The following TSBP1 variants were observed in gnomAD, a reference collection of about 807,000 sequenced individuals.
TSBP1 encodes testis-expressed basic protein 1.
A neutral mutation model predicts 68.8 loss-of-function variants in TSBP1; 56 were observed. The observed-to-expected ratio is 0.81, with a 90% confidence interval of 0.66 to 1.02. The LOEUF is 1.02. Among genes scored for constraint, TSBP1 ranks in the 50% least tolerant of loss-of-function variants. The pLI is 0.00. For missense variants in TSBP1, 502 were observed against 641.2 expected, an observed-to-expected ratio of 0.78 and a Z score of 2.34; for synonymous variants, 171 against 208.7, an observed-to-expected ratio of 0.82 and a Z score of 1.56.
At position 32,315,767 on chromosome 6, in the gene TSBP1, C is replaced by A; in HGVS notation, c.580+5G>T. The A allele has an allele frequency of 6.6e-7, 1 of 1,509,262 alleles. No individual in the cohort carries two copies. The allele number at this position is 1,509,262 out of a possible 1,614,324, so 93.5% of individuals were successfully genotyped here. ...ATATGACCAGCTGAGAAATAAAGAA[C>A]TTACTTGCAGTTCTCTGCGAAATTA... On this transcript the variant is annotated splice_donor_5th_base_variant and intron_variant, in intron 19 of 22. Transcript: ENST00000612031. This position sits in a 1 kb window ranked among gnomAD's most constrained non-coding sequence, Gnocchi z 5.4.
chr6:32,310,761 A>ATATATATATATATATATATTTTTTTTTTT, intron 19 of TSBP1, among the ~76,000 whole-genome samples: 2 of 144,834 alleles, frequency 1.4e-5, no homozygotes, highest in South Asian at 2.2e-4. Flanking sequence ...ATATATATAT[A>ATATATATATATATATATATTTTTTTTTTT]TTTTTAATCT....
intron 22 of TSBP1, among the ~76,000 whole-genome samples, chr6:32,296,424 T>A (rs1255125128): frequency 6.6e-6 from 1 of 152,234 alleles, no homozygotes. Flanking sequence ...TGTCCCCACC[T>A]AGAGTTCTTC....
rs774957304 is a variant in TSBP1 at position 32,361,670 on chromosome 6, GTCT to G, written c.217+4494_217+4496del. Among the ~76,000 whole-genome samples the G allele has an allele frequency of 1.3e-5, 2 of 152,124 alleles. No individual in the cohort carries two copies. Among genetic ancestry groups the G allele is most frequent in the Non-Finnish European group, 2.9e-5 (2 of 68,024 alleles). On this transcript the variant is annotated intron_variant, in intron 6 of 22. Transcript: ENST00000612031. The surrounding 1 kb of genome is among the most constrained non-coding windows in gnomAD (Gnocchi z 4.3). The stretch of plus-strand genomic sequence containing the variant: ...TCATATGTCTGTTGGCTGCGTAAAT[GTCT>G]TCTTTTAAGAATTGTCTGTTCATGG...
At chr6:32,363,143 T>G (rs1376003573) in intron 6 of TSBP1, among the ~76,000 whole-genome samples, 1 of 152,190 alleles carries the variant, frequency 6.6e-6, no homozygotes, top group African/African-American at 2.4e-5. Flanking sequence ...CTTGTTATAA[T>G]TTTTGACTAA....
At chr6:32,323,517 A>G (rs771268741) in intron 17 of TSBP1, 74 bp downstream of exon 18, 1 of 1,394,804 alleles carries the variant, frequency 7.2e-7, no homozygotes, top group South Asian at 1.2e-5. Flanking sequence ...AGCAGGGTAG[A>G]GACAGGTCTC....
intron 22 of TSBP1, among the ~76,000 whole-genome samples, chr6:32,295,099 G>A (rs1764547025): frequency 6.6e-6 from 1 of 152,084 alleles, no homozygotes; most frequent in Non-Finnish European, 1.5e-5. Context: ...ACCTTGGGAG[G>A]CCAAAGTGGG....
chr6:32,362,682 CT>C (rs1292339315), intron 6 of TSBP1, among the ~76,000 whole-genome samples: 1 of 152,100 alleles, frequency 6.6e-6, no homozygotes, highest in Non-Finnish European at 1.5e-5. Flanking sequence ...GCTTTTGTTA[CT>C]GTGTTTTTGG....
intron 17 of TSBP1, 73 bp downstream of exon 18, chr6:32,323,518 G>C: frequency 1.4e-6 from 2 of 1,408,750 alleles, no homozygotes; most frequent in Non-Finnish European, 2.0e-6. Context: ...GCAGGGTAGA[G>C]ACAGGTCTCT....
chr6:32,346,589 G>A (rs536217216), intron 9 of TSBP1, among the ~76,000 whole-genome samples: 5 of 152,174 alleles, frequency 3.3e-5, no homozygotes, highest in Admixed American at 1.3e-4. Context: ...TGTAACCCCA[G>A]CAATTTGGGA....
rs1292775340 is a variant in TSBP1, at chr6:32,365,238, A to C, written c.217+929T>G. 6 of 444,140 alleles carry C rather than the reference A, an allele frequency of 1.4e-5. No individual in the cohort carries two copies. The East Asian group carries it at 4.2e-4, about 31-fold the overall frequency. The allele number at this position is 444,140 out of a possible 1,614,324, so 27.5% of individuals were successfully genotyped here. A position where few individuals can be genotyped will look rare whatever the true frequency, so the allele number is the denominator to read the frequency against. ...TGCTTTCTCTCAATCCTGCAAAGCC[A>C]GTCCAGGTTCTGAGAGCCTTCCCTT... On this transcript the variant is annotated intron_variant, in intron 6 of 22. Transcript: ENST00000612031. This position sits in a 1 kb window ranked among gnomAD's most constrained non-coding sequence, Gnocchi z 4.3.
chr6:32,318,769 T>C (rs1286067231), intron 18 of TSBP1, among the ~76,000 whole-genome samples: 2 of 152,054 alleles, frequency 1.3e-5, no homozygotes, highest in African/African-American at 4.8e-5. Flanking sequence ...GGTTGGGGGA[T>C]AGTGGGAAGT....
At position 32,316,793 on chromosome 6, in the gene TSBP1, A is replaced by G. The variant is rs1400522047; in HGVS notation, c.560-1001T>C. Among the ~76,000 whole-genome samples, 2 of 152,176 alleles carry G rather than the reference A, an allele frequency of 1.3e-5. No individual in the cohort carries two copies. The highest frequency in any genetic ancestry group is 2.9e-5 in the Non-Finnish European group (2 of 68,020). ...GGAGCTTTGAGTCAGGTAGCTGCAC[A>G]CAGAGTTAGAAATGAGTAGGGTAGG... On this transcript the variant is annotated intron_variant, in intron 18 of 22. Transcript: ENST00000612031. This position sits in a 1 kb window ranked among gnomAD's most constrained non-coding sequence, Gnocchi z 4.5.
chr6:32,370,407 G>GTGTA (rs1241237254), intron 1 of TSBP1, among the ~76,000 whole-genome samples: 4,019 of 130,530 alleles, frequency 0.031, 159 homozygotes, highest in Non-Finnish European at 0.039. Context: ...AAGATTTTCT[G>GTGTA]TATATATATA....
At chr6:32,366,298 G>A in exon 5 of TSBP1, 1 of 1,600,786 alleles carries the variant, frequency 6.2e-7, no homozygotes, top group Non-Finnish European at 8.5e-7. Context: ...ATGCATGTCG[G>A]GATCCTAAAA....
chr6:32,321,066 T>G lies in TSBP1; in HGVS notation c.559+2051A>C, dbSNP rs1767581863. 6.6e-6 allele frequency among the ~76,000 whole-genome samples: 1 copy of G among 152,246 alleles called. No homozygotes were observed. The highest frequency in any genetic ancestry group is 2.1e-4 in the South Asian group (1 of 4,822). ...TTCCATGGTGTATATGTATCACATTTTCTTTATTCAGTCTACCATTGATGG... is the reference window on the plus strand; with the variant it reads ...TTCCATGGTGTATATGTATCACATTGTCTTTATTCAGTCTACCATTGATGG... On this transcript the variant is annotated intron_variant, in intron 18 of 22. Transcript: ENST00000612031. The surrounding 1 kb of genome is among the most constrained non-coding windows in gnomAD (Gnocchi z 4.3).
intron 6 of TSBP1, among the ~76,000 whole-genome samples, chr6:32,363,051 CATT>C (rs1189185987): frequency 6.6e-6 from 1 of 152,146 alleles, no homozygotes; most frequent in African/African-American, 2.4e-5. Context: ...GGTGCTCTGA[CATT>C]ATGTGCATAT....
At chr6:32,339,546 C>G (rs1770096397) in intron 10 of TSBP1, 54 bp downstream of exon 11, 5 of 919,432 alleles carry the variant, frequency 5.4e-6, no homozygotes, top group Non-Finnish European at 9.0e-6. Context: ...TAAATTTGTA[C>G]AATTATTAGG....
At chr6:32,339,600 A>G in exon 10 of TSBP1, 1 of 1,283,896 alleles carries the variant, frequency 7.8e-7, no homozygotes, top group Non-Finnish European at 1.1e-6. Flanking sequence ...GGAAACTTAC[A>G]AGGAGGTTCT....
Position 32,370,419 on chromosome 6 carries a change from A to G in TSBP1, c.14-436T>C, listed in dbSNP as rs1335692188. ...TGCAAGATTTTCTGTATATATATAT[A>G]TATATATATATATATATATATATAT... On this transcript the variant is annotated intron_variant, in intron 1 of 22. Transcript: ENST00000612031. 9.2e-3 allele frequency among the ~76,000 whole-genome samples: 435 copies of G among 47,314 alleles called. 8 individuals are homozygous for G. In the East Asian group the frequency reaches 0.11, roughly 12 times the overall value. 31.0% of individuals were successfully genotyped at this position (47,314 alleles called of 152,430 possible).
Sources: gnomAD v4.1 joint callset for allele counts (sites outside exome capture counted in the v4.1 genomes callset) on GRCh38, gnomAD v4.1.1 for gene constraint, Gnocchi (gnomAD v3.1) non-coding constraint, MANE v1.5 for transcripts, NCBI Gene and HGNC (gene_info 2026-07-23, HGNC 2026-07-21) for gene names.